The following DISP2 variants were observed in gnomAD, a reference collection of about 807,000 sequenced individuals.
DISP2 encodes dispatched RND transporter family member 2, also known as protein dispatched homolog 2.
A neutral mutation model predicts 95.5 loss-of-function variants in DISP2; 59 were observed. That is an observed-to-expected ratio of 0.62 (90% confidence interval 0.50 to 0.77). DISP2 has a LOEUF of 0.77. Among genes scored for constraint, DISP2 ranks in the 30% least tolerant of loss-of-function variants. The pLI, the probability that DISP2 is intolerant of heterozygous loss-of-function variation, is 0.00. For synonymous variants in DISP2, 827 were observed against 815.0 expected, an observed-to-expected ratio of 1.01 and a Z score of -0.25; for missense variants, 1,752 against 1,854.6, an observed-to-expected ratio of 0.94 and a Z score of 1.02.
rs1297015343 is a variant in DISP2, at chr15:40,358,367, C to T, written c.46C>T (p.Pro16Ser). ...SSSSGGSGPA[P>S]GPGPEGEQRP... is the part of the protein sequence containing the mutation. ...CAGCAGCGGCGGCAGCGGTCCGGCT[C>T]CCGGCCCGGGTCCGGAAGGGGAGCA... is the stretch of plus-strand genomic sequence containing the variant. Residue 16 changes from proline (P) to serine (S), a missense_variant, in exon 1 of 8, where the codon CCC becomes TCC. Physicochemically the swap from Pro to Ser is moderately conservative, Grantham distance 74 (BLOSUM62 -1). Around this residue, in one of 5 missense-constraint regions of DISP2, gnomAD observed 342 missense variants for 364.3 expected, o/e 0.94. Coordinates refer to ENST00000267889, the MANE Select transcript of DISP2 (RefSeq NM_033510.3). 1 of 1,378,898 alleles carries T rather than the reference C, an allele frequency of 7.3e-7. No homozygotes were observed. The highest frequency in any genetic ancestry group is 9.4e-7 in the Non-Finnish European group (1 of 1,065,292). 85.4% of individuals were successfully genotyped at this position (1,378,898 alleles called of 1,614,324 possible). A position where few individuals can be genotyped will look rare whatever the true frequency, so the allele number is the denominator to read the frequency against.
At position 40,370,722 on chromosome 15, in the gene DISP2, C is replaced by T; in HGVS notation, c.*404C>T. ...CCATCCTAGGGATCTTGTCAGGGTT[C>T]CTTACTGACCAGAGGAGCCCGCAGC... On this transcript the variant is annotated 3_prime_UTR_variant, in exon 8 of 8. Coordinates refer to ENST00000267889, the MANE Select transcript of DISP2 (RefSeq NM_033510.3). 2.1e-6 allele frequency: 1 copy of T among 466,146 alleles called. No homozygotes were observed. The highest frequency in any genetic ancestry group is 2.3e-5 in the Admixed American group (1 of 42,612). The allele number at this position is 466,146 out of a possible 1,614,324, so 28.9% of individuals were successfully genotyped here.
In DISP2 at chr15:40,369,129, T is replaced by C; in HGVS notation, c.3017T>C (p.Leu1006Pro). ...GGCACCGTGCTGCTCACTGTAGGAC[T>C]CCTGGTTCTCCTCGAGTGGCAGCTC... ...VAGTVLLTVG[L>P]LVLLEWQLNT... Residue 1006 changes from leucine (L) to proline (P), a missense_variant, in exon 8 of 8, where the codon CTC becomes CCC. Leu to Pro is a moderately conservative substitution (Grantham distance 98). Transcript: ENST00000267889. 1.2e-6 allele frequency: 2 copies of C among 1,613,950 alleles called. No individual in the cohort carries two copies. Among genetic ancestry groups the C allele is most frequent in the South Asian group, 2.2e-5 (2 of 91,092 alleles).
Position 40,370,154 on chromosome 15 carries a change from G to A in DISP2, c.4042G>A (p.Val1348Met), listed in dbSNP as rs770332364. The A allele has an allele frequency of 6.2e-7, 1 of 1,611,974 alleles. No individual in the cohort carries two copies. Among genetic ancestry groups the A allele is most frequent in the Non-Finnish European group, 8.5e-7 (1 of 1,179,116 alleles). Reference sequence around the variant, plus strand: ...CCTGTGGCTGGCGCTGAGGGAGACAGTGTATGACCCATCATTGCCCGCTTC... The same window carrying A: ...CCTGTGGCTGGCGCTGAGGGAGACAATGTATGACCCATCATTGCCCGCTTC... The part of the protein sequence containing the change: ...DTLWLALRET[V>M]YDPSLPASHH... The change falls in exon 8 of 8, where the codon GTG becomes ATG. Residue 1348 changes from valine to methionine, a missense_variant. Val to Met is a conservative substitution (Grantham distance 21). Transcript: ENST00000267889.
intron 2 of DISP2, 77 bp from the exon 3 acceptor site, chr15:40,364,149 C>T (rs2141260292): frequency 2.5e-6 from 4 of 1,602,716 alleles, no homozygotes; most frequent in Middle Eastern, 1.7e-4. Context: ...TACCCACTCC[C>T]ACCCCACCTC....
Position 40,368,007 on chromosome 15 carries a change from T to A in DISP2, c.1895T>A (p.Leu632His), listed in dbSNP as rs1222477766. Residue 632 changes from leucine to histidine, a missense_variant, in exon 8 of 8, where the codon CTC (leucine) becomes CAC (histidine). Transcript: ENST00000267889. The part of the protein sequence containing the change: ...MGTAVLVHLA[L>H]TLVWLPASAV... The stretch of plus-strand genomic sequence containing the variant: ...ACGGCTGTGCTGGTGCACCTGGCGC[T>A]CACGCTGGTCTGGCTGCCCGCCTCC... 7.8e-6 allele frequency: 12 copies of A among 1,537,826 alleles called. No individual in the cohort carries two copies. The highest frequency in any genetic ancestry group is 1.0e-5 in the Non-Finnish European group (12 of 1,148,030).
chr15:40,364,433 G>C lies in DISP2; in HGVS notation c.492G>C (p.Leu164=). The change falls in exon 4 of 8, where the codon CTG becomes CTC. Residue 164 remains leucine, a synonymous_variant. Coordinates refer to ENST00000267889, the MANE Select transcript of DISP2 (RefSeq NM_033510.3). ...CCCTCTTTCCCAGCTATTCCCAGCT[G>C]ATTGCTGAGTGGCCAGTGGCCGTGC... The part of the protein sequence containing the change: ...AFQMPKSYSQ[L]IAEWPVAVLM... 6.2e-7 allele frequency: 1 copy of C among 1,613,926 alleles called. No homozygotes were observed. The highest frequency in any genetic ancestry group is 8.5e-7 in the Non-Finnish European group (1 of 1,180,044).
chr15:40,370,006 C>A lies in DISP2; in HGVS notation c.3894C>A (p.Thr1298=). The change falls in exon 8 of 8, where the codon ACC becomes ACA. Residue 1298 remains threonine, a synonymous_variant. Coordinates refer to ENST00000267889, the MANE Select transcript of DISP2 (RefSeq NM_033510.3). The stretch of plus-strand genomic sequence containing the variant: ...AGGGGCTCAGCGTCTCTGATGAGAC[C>A]TGCCTAAGCACCTCTGAGCCCAGTG... ...TLEGLSVSDE[T]CLSTSEPSAR... 6.2e-7 allele frequency: 1 copy of A among 1,614,070 alleles called. No homozygotes were observed. Among genetic ancestry groups the A allele is most frequent in the Non-Finnish European group, 8.5e-7 (1 of 1,180,022 alleles).
intron 7 of DISP2, 75 bp from the exon 8 acceptor site, chr15:40,366,983 A>G: frequency 6.5e-7 from 1 of 1,542,686 alleles, no homozygotes. Flanking sequence ...GAGATGAGAG[A>G]GCCTTGTATA....
chr15:40,370,103 G>A lies in DISP2; in HGVS notation c.3991G>A (p.Gly1331Ser), dbSNP rs753638297. Residue 1331 changes from glycine to serine, a missense_variant, in exon 8 of 8, where the codon GGC (glycine) becomes AGC (serine). By Grantham distance (56) the Gly-to-Ser change is moderately conservative. Transcript: ENST00000267889. ...DDTGQPVLER[G>S]QLNGKRDTLW... is the part of the protein sequence containing the mutation. The stretch of plus-strand genomic sequence containing the variant: ...CACTGGGCAGCCAGTCCTTGAGCGA[G>A]GCCAGCTCAATGGGAAGCGGGACAC... The A allele has an allele frequency of 2.5e-6, 4 of 1,610,638 alleles. No individual in the cohort carries two copies. In the South Asian group the frequency reaches 4.4e-5, roughly 18 times the overall value.
chr15:40,369,005 G>T lies in DISP2; in HGVS notation c.2893G>T (p.Ala965Ser). ...GCAGCACAGCCTGAGCACTGAGCCT[G>T]CTGTGGTGCTGGGCCTGGCTTTGGC... ...SLQHSLSTEPAVVLGLALALA... is the reference protein window; with the variant it reads ...SLQHSLSTEPSVVLGLALALA... The change falls in exon 8 of 8, where the codon GCT (alanine) becomes TCT (serine). Residue 965 changes from alanine (A) to serine (S), a missense_variant. Physicochemically the swap from Ala to Ser is moderately conservative, Grantham distance 99. Coordinates refer to ENST00000267889, the MANE Select transcript of DISP2 (RefSeq NM_033510.3). 6.2e-7 allele frequency: 1 copy of T among 1,614,026 alleles called. No individual in the cohort carries two copies. The highest frequency in any genetic ancestry group is 8.5e-7 in the Non-Finnish European group (1 of 1,180,044).
rs1387606122 is a variant in DISP2, at chr15:40,376,427, C to G, written c.*6109C>G. The stretch of plus-strand genomic sequence containing the variant: ...CTGAGGTCAGGAGTTCAACACCAGC[C>G]TGGCCAACATGGCAAAACCCTGTCT... On this transcript the variant is annotated 3_prime_UTR_variant, in exon 8 of 8. Coordinates refer to ENST00000267889, the MANE Select transcript of DISP2 (RefSeq NM_033510.3). The G allele has an allele frequency of 6.6e-6, 1 of 152,188 alleles. No homozygotes were observed. The highest frequency in any genetic ancestry group is 1.5e-5 in the Non-Finnish European group (1 of 68,070). 9.4% of individuals were successfully genotyped at this position (152,188 alleles called of 1,614,324 possible). A position where few individuals can be genotyped will look rare whatever the true frequency, so the allele number is the denominator to read the frequency against.
At position 40,358,421 on chromosome 15, in the gene DISP2, G is replaced by C; in HGVS notation, c.100G>C (p.Asp34His). The C allele has an allele frequency of 7.5e-7, 1 of 1,332,052 alleles. No individual in the cohort carries two copies. Among genetic ancestry groups the C allele is most frequent in the South Asian group, 1.9e-5 (1 of 53,042 alleles). 82.5% of individuals were successfully genotyped at this position (1,332,052 alleles called of 1,614,324 possible). Residue 34 changes from aspartate to histidine, a missense_variant, in exon 1 of 8, where the codon GAC becomes CAC. Physicochemically the swap from Asp to His is moderately conservative, Grantham distance 81 (BLOSUM62 -1). Around this residue, in one of 5 missense-constraint regions of DISP2, gnomAD observed 342 missense variants for 364.3 expected, o/e 0.94. Coordinates refer to ENST00000267889, the MANE Select transcript of DISP2 (RefSeq NM_033510.3). ...GCCCGAGGGGGAGCCCTTGGCCCCA[G>C]ACGGCGGCTCCCCGGACAGGTAGGG... ...QRPEGEPLAP[D>H]GGSPDSTQTK...
At position 40,374,014 on chromosome 15, in the gene DISP2, A is replaced by AAAAAAAAAAAAAAAATATATATATATAT; in HGVS notation, c.*3697_*3698insAAAAAAAAAAAAAATATATATATATATA. Reference sequence around the variant, plus strand: ...GCGAGACTCCATCTTAAAAAAAAAAAATATATATATATATATATGTAAACT... The same window carrying AAAAAAAAAAAAAAAATATATATATATAT: ...GCGAGACTCCATCTTAAAAAAAAAAAAAAAAAAAAAAAAAATATATATATATATATATATATATATATATATGTAAACT... On this transcript the variant is annotated 3_prime_UTR_variant, in exon 8 of 8. Coordinates refer to ENST00000267889, the MANE Select transcript of DISP2 (RefSeq NM_033510.3). 5.3e-4 allele frequency: 55 copies of AAAAAAAAAAAAAAAATATATATATATAT among 104,156 alleles called. No homozygotes were observed. The highest frequency in any genetic ancestry group is 2.2e-3 in the African/African-American group (52 of 23,948). The allele number at this position is 104,156 out of a possible 1,614,324, so 6.5% of individuals were successfully genotyped here.
rs1254256366 is a variant in DISP2, at chr15:40,370,603, G to T, written c.*285G>T. On this transcript the variant is annotated 3_prime_UTR_variant, in exon 8 of 8. Transcript: ENST00000267889. ...ACCATCTAAGACCCCTCCTCTAGAA[G>T]TGGGGAAGGCCAGATGTGTAGCTTC... is the stretch of plus-strand genomic sequence containing the variant. The T allele has an allele frequency of 1.6e-6, 1 of 632,904 alleles. No individual in the cohort carries two copies. The highest frequency in any genetic ancestry group is 1.5e-5 in the South Asian group (1 of 66,230). 39.2% of individuals were successfully genotyped at this position (632,904 alleles called of 1,614,324 possible). A position where few individuals can be genotyped will look rare whatever the true frequency, so the allele number is the denominator to read the frequency against.
Position 40,371,007 on chromosome 15 carries a change from C to T in DISP2, c.*689C>T, listed in dbSNP as rs1889636196. On this transcript the variant is annotated 3_prime_UTR_variant, in exon 8 of 8. Transcript: ENST00000267889. ...GACAGTCCCTCTTTGGAAGCAGGCT[C>T]CTGTGCTTTCCTGTGTTAATAAACA... The T allele has an allele frequency of 1.0e-5, 2 of 200,644 alleles. No individual in the cohort carries two copies. Among genetic ancestry groups the T allele is most frequent in the Admixed American group, 5.1e-5 (1 of 19,658 alleles). 12.4% of individuals were successfully genotyped at this position (200,644 alleles called of 1,614,324 possible).
At chr15:40,365,838 C>A in intron 7 of DISP2, 113 bp downstream of exon 7, 2 of 1,039,204 alleles carry the variant, frequency 1.9e-6, no homozygotes, top group African/African-American at 1.6e-5. Flanking sequence ...TGGGGAAGAG[C>A]ATTCCCTGCT....
chr15:40,364,966 C>T lies in DISP2; in HGVS notation c.719+13C>T. ...TTGAGCTGAACAGGTAACAGGCTCT[C>T]ATCTTTTCACTGTGGGTGGCAGAGG... On this transcript the variant is annotated intron_variant, in intron 5 of 7. Coordinates refer to ENST00000267889, the MANE Select transcript of DISP2 (RefSeq NM_033510.3). 1 of 1,613,062 alleles carries T rather than the reference C, an allele frequency of 6.2e-7. No homozygotes were observed. Among genetic ancestry groups the T allele is most frequent in the South Asian group, 1.1e-5 (1 of 90,986 alleles).
Position 40,368,043 on chromosome 15 carries a change from A to T in DISP2, c.1931A>T (p.His644Leu). 2.0e-6 allele frequency: 3 copies of T among 1,527,016 alleles called. No homozygotes were observed. The highest frequency in any genetic ancestry group is 2.6e-6 in the Non-Finnish European group (3 of 1,142,386). The allele number at this position is 1,527,016 out of a possible 1,614,324, so 94.6% of individuals were successfully genotyped here. Residue 644 changes from histidine (H) to leucine (L), a missense_variant, in exon 8 of 8, where the codon CAC (histidine) becomes CTC (leucine). Physicochemically the swap from His to Leu is moderately conservative, Grantham distance 99. Coordinates refer to ENST00000267889, the MANE Select transcript of DISP2 (RefSeq NM_033510.3). Reference sequence around the variant, plus strand: ...TGGCTGCCCGCCTCCGCCGTGCTCCACGAGCGCTACCTGGCGCGCGGCTGT... The same window carrying T: ...TGGCTGCCCGCCTCCGCCGTGCTCCTCGAGCGCTACCTGGCGCGCGGCTGT... ...LVWLPASAVL[H>L]ERYLARGCAR...
chr15:40,377,165 A>T lies in DISP2; in HGVS notation c.*6847A>T, dbSNP rs1000062467. 6.6e-6 allele frequency: 1 copy of T among 152,230 alleles called. No individual in the cohort carries two copies. The highest frequency in any genetic ancestry group is 1.5e-5 in the Non-Finnish European group (1 of 68,126). 9.4% of individuals were successfully genotyped at this position (152,230 alleles called of 1,614,324 possible). On this transcript the variant is annotated 3_prime_UTR_variant, in exon 8 of 8. Transcript: ENST00000267889. ...TGGTGAAACCTCATCTCTACTAAAAATACAAAAAAATAGCTGGGCGTGGTG... is the reference window on the plus strand; with the variant it reads ...TGGTGAAACCTCATCTCTACTAAAATTACAAAAAAATAGCTGGGCGTGGTG...
Sources: gnomAD v4.1 joint callset for allele counts on GRCh38, gnomAD v4.1.1 for gene constraint, gnomAD v4.1.1 regional missense constraint, MANE v1.5 for transcripts, NCBI Gene and HGNC (gene_info 2026-07-23, HGNC 2026-07-21) for gene names.